The following PKHD1 variants were observed in gnomAD, a reference collection of about 807,000 sequenced individuals.
PKHD1 encodes fibrocystin.
A neutral mutation model predicts 412.0 loss-of-function variants in PKHD1; 291 were observed. The ratio of observed to expected loss-of-function variants is 0.71; its 90% CI spans 0.64 to 0.78. The LOEUF (loss-of-function observed/expected upper bound fraction) is 0.78. Among genes scored for constraint, PKHD1 ranks in the 30% least tolerant of loss-of-function variants. The pLI is 0.00. For synonymous variants in PKHD1, 1,777 were observed against 1,821.5 expected (o/e 0.98, Z 0.62); for missense variants, 4,825 against 4,950.7 (o/e 0.97, Z 0.76).
chr6:51,788,537 A>C (rs1033036279), intron 53 of PKHD1, among the ~76,000 whole-genome samples: 8 of 151,832 alleles, frequency 5.3e-5, no homozygotes, highest in African/African-American at 1.9e-4. Flanking sequence ...GTTTATTCCT[A>C]TAGTTCCTTC....
At chr6:51,746,117 A>G (rs1785164917) in intron 59 of PKHD1, among the ~76,000 whole-genome samples, 2 of 152,068 alleles carry the variant, frequency 1.3e-5, no homozygotes, top group Non-Finnish European at 2.9e-5. Flanking sequence ...ATCCTATCTA[A>G]TTTTCACATA....
chr6:51,842,364 C>T (rs1008786130), intron 50 of PKHD1, among the ~76,000 whole-genome samples: 13 of 152,092 alleles, frequency 8.5e-5, no homozygotes, highest in Non-Finnish European at 5.9e-5. Context: ...GGGGAAGGGG[C>T]TGTGTTTAAT....
At position 52,072,153 on chromosome 6, in the gene PKHD1, A is replaced by G. The variant is rs539421268; in HGVS notation, c.564T>C (p.Val188=). 1.2e-6 allele frequency: 2 copies of G among 1,610,392 alleles called. No individual in the cohort carries two copies. The highest frequency in any genetic ancestry group is 4.5e-5 in the East Asian group (2 of 44,876). The change falls in exon 8 of 67, where the codon GTT becomes GTC. Residue 188 remains valine (V), a synonymous_variant. Coordinates refer to ENST00000371117, the MANE Select transcript of PKHD1 (RefSeq NM_138694.4). ...GCCTATTTATAAGAGAGCAAGGAGT[A>G]ACCCATTTGTCTCCTTGAGCTTCCA... is the stretch of plus-strand genomic sequence containing the variant. The part of the protein sequence containing the change: ...VILEAQGDKW[V]TPCSLINRQM...
At chr6:51,959,749 G>T in intron 36 of PKHD1, 121 bp downstream of exon 36, 1 of 911,810 alleles carries the variant, frequency 1.1e-6, no homozygotes, top group Non-Finnish European at 1.8e-6. Flanking sequence ...ATTTCAGTTT[G>T]GTCTGAGGAT....
chr6:51,855,777 T>C, intron 49 of PKHD1, 116 bp downstream of exon 49: 1 of 849,140 alleles, frequency 1.2e-6, no homozygotes, highest in Non-Finnish European at 2.0e-6. Flanking sequence ...CATCAGAATA[T>C]GCCAAGACTT....
At chr6:51,823,052 G>A (rs1766710297) in intron 52 of PKHD1, among the ~76,000 whole-genome samples, 1 of 150,702 alleles carries the variant, frequency 6.6e-6, no homozygotes, top group African/African-American at 2.4e-5. Context: ...GCTGCTGAAA[G>A]TTTGTACAGG....
At chr6:52,059,832 A>G (rs1275809410) in intron 15 of PKHD1, 96 bp downstream of exon 15, 1 of 741,474 alleles carries the variant, frequency 1.3e-6, no homozygotes, top group South Asian at 1.4e-5. Context: ...ATGTTAAACT[A>G]TCTGTAAAAC....
chr6:52,044,228 A>C (rs1321705695), intron 25 of PKHD1, among the ~76,000 whole-genome samples: 3 of 152,198 alleles, frequency 2.0e-5, no homozygotes, highest in Non-Finnish European at 2.9e-5. Context: ...GAGACTATAT[A>C]TCTTTCCCTT....
chr6:51,659,798 C>G lies in PKHD1; in HGVS notation c.10328G>C (p.Ser3443Thr), dbSNP rs766947153. 3.1e-6 allele frequency: 5 copies of G among 1,613,808 alleles called. No homozygotes were observed. In the South Asian group the frequency reaches 4.4e-5, roughly 14 times the overall value. ...VTSGFVDVFS[S>T]VNANIPCSTS... ...AGAGCAGGGAATATTGGCATTTACA[C>G]TGCTAAAGACATCAACAAAACCACT... The change falls in exon 61 of 67, where the codon AGT becomes ACT. Residue 3443 changes from serine (S) to threonine (T), a missense_variant. Coordinates refer to ENST00000371117, the MANE Select transcript of PKHD1 (RefSeq NM_138694.4).
At chr6:51,747,138 T>G (rs538769728) in intron 58 of PKHD1, among the ~76,000 whole-genome samples, 2 of 152,168 alleles carry the variant, frequency 1.3e-5, no homozygotes, top group Non-Finnish European at 2.9e-5. Flanking sequence ...GGCTTTTCAT[T>G]TGAGGCTTAA....
At chr6:51,625,911 T>G (rs1010749845) in intron 66 of PKHD1, among the ~76,000 whole-genome samples, 1 of 152,144 alleles carries the variant, frequency 6.6e-6, no homozygotes, top group Non-Finnish European at 1.5e-5. Flanking sequence ...CATCCCCTTC[T>G]CTCTTTCTCT....
intron 60 of PKHD1, among the ~76,000 whole-genome samples, chr6:51,665,135 T>A (rs9463703): frequency 0.063 from 9,656 of 152,078 alleles, 1,040 homozygotes; most frequent in African/African-American, 0.22. Flanking sequence ...TCTTTACAAT[T>A]TTTTCTACCC....
At chr6:51,669,239 A>G (rs1353135640) in intron 60 of PKHD1, among the ~76,000 whole-genome samples, 4 of 152,200 alleles carry the variant, frequency 2.6e-5, no homozygotes, top group African/African-American at 9.7e-5. Context: ...TTATTGGTCT[A>G]TTCAGAGATT....
intron 36 of PKHD1, among the ~76,000 whole-genome samples, chr6:51,951,583 T>C (rs1398609953): frequency 6.6e-6 from 1 of 152,166 alleles, no homozygotes; most frequent in Non-Finnish European, 1.5e-5. Context: ...GTATTGGAAA[T>C]AAAAGCAAAC....
intron 52 of PKHD1, among the ~76,000 whole-genome samples, chr6:51,811,969 T>C (rs1764747326): frequency 6.6e-6 from 1 of 152,214 alleles, no homozygotes; most frequent in Non-Finnish European, 1.5e-5. Context: ...TACAGAAGCC[T>C]AATACTAATT....
At chr6:51,763,942 A>G (rs1450518632) in intron 55 of PKHD1, among the ~76,000 whole-genome samples, 1 of 136,586 alleles carries the variant, frequency 7.3e-6, no homozygotes, top group African/African-American at 2.6e-5. Context: ...GGTAAAAACT[A>G]AAATTCTTTT....
chr6:52,076,868 G>A (rs1157037384), intron 5 of PKHD1, among the ~76,000 whole-genome samples: 1 of 152,212 alleles, frequency 6.6e-6, no homozygotes, highest in Non-Finnish European at 1.5e-5. Flanking sequence ...CAACTGAGGT[G>A]CTTACTAGGG....
At chr6:51,625,038 A>G (rs766833168) in intron 66 of PKHD1, among the ~76,000 whole-genome samples, 12 of 152,182 alleles carry the variant, frequency 7.9e-5, no homozygotes, top group Middle Eastern at 3.2e-3. Context: ...GTAAAATAGG[A>G]GGGATGTATA....
chr6:51,862,758 G>A (rs1450830489), intron 48 of PKHD1, among the ~76,000 whole-genome samples: 1 of 152,156 alleles, frequency 6.6e-6, no homozygotes, highest in East Asian at 1.9e-4. Context: ...CAGGAGAGGT[G>A]GGAAGGAAGA....
Sources: gnomAD v4.1 joint callset for allele counts (sites outside exome capture counted in the v4.1 genomes callset) on GRCh38, gnomAD v4.1.1 for gene constraint, MANE v1.5 for transcripts, NCBI Gene and HGNC (gene_info 2026-07-23, HGNC 2026-07-21) for gene names.